Variants in CASZ1 observed in about 807,000 individuals in gnomAD.
The protein encoded by CASZ1 is castor zinc finger 1.
CASZ1 carries 28 observed loss-of-function variants against 135.2 expected under a neutral mutation model. That is an observed-to-expected ratio of 0.21 (90% CI 0.15 to 0.28). CASZ1 has a LOEUF of 0.28. CASZ1 is among the 10% of genes least tolerant of loss of function. The pLI is 1.00. For missense variants in CASZ1, 2,161 were observed against 2,453.3 expected, an observed-to-expected ratio of 0.88 and a Z score of 2.52; for synonymous variants, 1,068 against 1,073.4, an observed-to-expected ratio of 0.99 and a Z score of 0.10.
In CASZ1 at chr1:10,767,466, G is replaced by A. The variant is rs1640497235; in HGVS notation, c.-233-6609C>T. 6.6e-6 allele frequency among the ~76,000 whole-genome samples: 1 copy of A among 152,292 alleles called. No individual in the cohort carries two copies. Among genetic ancestry groups the A allele is most frequent in the East Asian group, 1.9e-4 (1 of 5,178 alleles). ...GGAGGGGACAGGGCGGGGGCGATGGGAGCACAGGCTTCCCCTATTGCAAAG... is the reference window on the plus strand; with the variant it reads ...GGAGGGGACAGGGCGGGGGCGATGGAAGCACAGGCTTCCCCTATTGCAAAG... On this transcript the variant is annotated intron_variant, in intron 1 of 20. Transcript: ENST00000377022. The surrounding 1 kb of genome is among the most constrained non-coding windows in gnomAD (Gnocchi z 4.2).
At chr1:10,754,243 C>G (rs1314263852) in intron 2 of CASZ1, among the ~76,000 whole-genome samples, 2 of 152,354 alleles carry the variant, frequency 1.3e-5, no homozygotes, top group East Asian at 3.9e-4. Flanking sequence ...CTCTTGTTTT[C>G]TCCTTCCCAC....
intron 5 of CASZ1, among the ~76,000 whole-genome samples, chr1:10,663,139 G>A (rs1306034052): frequency 6.6e-6 from 1 of 152,246 alleles, no homozygotes; most frequent in Non-Finnish European, 1.5e-5. Context: ...TGGGGCGGCA[G>A]GACCCCAGGC....
At position 10,654,385 on chromosome 1, in the gene CASZ1, T is replaced by G. The variant is rs1642716702; in HGVS notation, c.1838+34A>C. The G allele has an allele frequency of 1.9e-6, 3 of 1,605,572 alleles. No homozygotes were observed. The African/African-American group carries it at 4.0e-5, about 22-fold the overall frequency. On this transcript the variant is annotated intron_variant, in intron 10 of 20. Coordinates refer to ENST00000377022, the MANE Select transcript of CASZ1 (RefSeq NM_001079843.3). ...GGTCCTTGCCTTCCCTCCCCGCTTC[T>G]GCCCACGAAGGCCCCCACCAGGCTC...
intron 1 of CASZ1, among the ~76,000 whole-genome samples, chr1:10,784,011 G>A (rs929895586): frequency 1.3e-5 from 2 of 151,866 alleles, no homozygotes; most frequent in East Asian, 1.9e-4. Context: ...GAACCCCAGC[G>A]AGGCGGCACT....
chr1:10,703,765 C>T (rs1454271238), intron 3 of CASZ1, among the ~76,000 whole-genome samples: 1 of 152,202 alleles, frequency 6.6e-6, no homozygotes, highest in Non-Finnish European at 1.5e-5. Context: ...AATCATTAAC[C>T]TTTTAGGCTT....
chr1:10,787,859 A>T (rs529971378), intron 1 of CASZ1, among the ~76,000 whole-genome samples: 191 of 152,302 alleles, frequency 1.3e-3, no homozygotes, highest in African/African-American at 4.5e-3. Context: ...CGGCTCAGGC[A>T]CCAGCCTTCA....
chr1:10,745,555 T>C (rs886450315), intron 2 of CASZ1, among the ~76,000 whole-genome samples: 2 of 152,172 alleles, frequency 1.3e-5, no homozygotes, highest in Admixed American at 1.3e-4. Flanking sequence ...GGGCACCTGC[T>C]GGGTTGAACG....
At chr1:10,689,497 G>A (rs1188971937) in intron 4 of CASZ1, among the ~76,000 whole-genome samples, 3 of 152,194 alleles carry the variant, frequency 2.0e-5, no homozygotes, top group Non-Finnish European at 2.9e-5. Context: ...GGAGAGGAGA[G>A]TGAATGGGTT....
Position 10,644,917 on chromosome 1 carries a change from C to G in CASZ1, c.3868G>C (p.Gly1290Arg). The G allele has an allele frequency of 1.2e-6, 2 of 1,612,414 alleles. No homozygotes were observed. Among genetic ancestry groups the G allele is most frequent in the Admixed American group, 1.7e-5 (1 of 59,958 alleles). The change falls in exon 18 of 21, where the codon GGT (glycine) becomes CGT (arginine). Residue 1290 changes from glycine (G) to arginine (R), a missense_variant and splice_region_variant. This residue lies in a region of CASZ1 where 349 missense variants were observed against 460.8 expected (regional missense o/e 0.76). Coordinates refer to ENST00000377022, the MANE Select transcript of CASZ1 (RefSeq NM_001079843.3). ...TGCCCGCAGCCCCAGCCCTCGGTAC[C>G]TAGCCTGCCACACTCCTCGCGCTTG... ...FTKREECGRL[G>R]CKYNQVNSHF...
chr1:10,678,145 G>A (rs1006679676), intron 4 of CASZ1, among the ~76,000 whole-genome samples: 2 of 152,190 alleles, frequency 1.3e-5, no homozygotes, highest in Non-Finnish European at 2.9e-5. Context: ...CAGGAGAGGC[G>A]GCGGCGTGGG....
intron 4 of CASZ1, among the ~76,000 whole-genome samples, chr1:10,675,314 CAG>C (rs1266551732): frequency 3.9e-5 from 6 of 152,178 alleles, no homozygotes; most frequent in Non-Finnish European, 7.3e-5. Context: ...CCAGTGGGGA[CAG>C]AGGACGGGGC....
chr1:10,649,651 C>T, intron 13 of CASZ1: 1 of 553,230 alleles, frequency 1.8e-6, no homozygotes, highest in Non-Finnish European at 3.2e-6. Context: ...GCTGCGAGGC[C>T]TCCTCAGGGC....
rs778564897 is a variant in CASZ1, at chr1:10,659,863, G to A, written c.1179C>T (p.Pro393=). Residue 393 remains proline, a synonymous_variant, in exon 6 of 21, where the codon CCC becomes CCT. Transcript: ENST00000377022. Reference sequence around the variant, plus strand: ...TGGCGAGGGGTGCGGGAGCCAGGCTGGGGGTGGGCGGAACCTTGGCGGGGC... The same window carrying A: ...TGGCGAGGGGTGCGGGAGCCAGGCTAGGGGTGGGCGGAACCTTGGCGGGGC... The part of the protein sequence containing the change: ...KPGPAKVPPT[P]SLAPAPLASV... 3.0e-5 allele frequency: 48 copies of A among 1,611,400 alleles called. No individual in the cohort carries two copies. The highest frequency in any genetic ancestry group is 1.7e-4 in the Middle Eastern group (1 of 5,938).
rs1570575474 is a variant in CASZ1 at position 10,767,503 on chromosome 1, G to A, written c.-233-6646C>T. Among the ~76,000 whole-genome samples, 1 of 152,200 alleles carries A rather than the reference G, an allele frequency of 6.6e-6. No individual in the cohort carries two copies. The highest frequency in any genetic ancestry group is 6.5e-5 in the Admixed American group (1 of 15,282). ...CCCCTATTGCAAAGCCAGGCCCAGG[G>A]AGGCCGGGAAGCAGAGAGCCGGAGG... On this transcript the variant is annotated intron_variant, in intron 1 of 20. Transcript: ENST00000377022. This position sits in a 1 kb window ranked among gnomAD's most constrained non-coding sequence, Gnocchi z 4.2.
In CASZ1 at chr1:10,660,046, G is replaced by A. The variant is rs71645003; in HGVS notation, c.996C>T (p.Thr332=). The A allele has an allele frequency of 6.2e-7, 1 of 1,614,162 alleles. No homozygotes were observed. The highest frequency in any genetic ancestry group is 1.1e-5 in the South Asian group (1 of 91,088). The change falls in exon 6 of 21, where the codon ACC becomes ACT. Residue 332 remains threonine, a synonymous_variant. Transcript: ENST00000377022. ...GGTCGTACTTGGATGGCTTCTTGTA[G>A]GTGCTCCCGTTCTGGGGCCGCAGAT... ...GENLRPQNGS[T]YKKPSKYDLE...
chr1:10,689,937 T>C (rs752970276), intron 4 of CASZ1, among the ~76,000 whole-genome samples: 1 of 152,242 alleles, frequency 6.6e-6, no homozygotes, highest in African/African-American at 2.4e-5. Context: ...ACTTCCGAGA[T>C]GGCCCATTCT....
Position 10,654,032 on chromosome 1 carries a change from G to A in CASZ1, c.2025C>T (p.Cys675=), listed in dbSNP as rs369473375. Residue 675 remains cysteine (C), a synonymous_variant, in exon 11 of 21, where the codon TGC becomes TGT. Coordinates refer to ENST00000377022, the MANE Select transcript of CASZ1 (RefSeq NM_001079843.3). ...TNHFHCIRAG[C]GFTFTSTSQM... ...GGCTGGTGGAGGTGAAGGTGAAGCC[G>A]CAGCCGGCGCGGATGCAGTGGAAGT... is the stretch of plus-strand genomic sequence containing the variant. The A allele has an allele frequency of 1.5e-5, 24 of 1,614,112 alleles. No homozygotes were observed. The highest frequency in any genetic ancestry group is 8.8e-5 in the South Asian group (8 of 91,092).
chr1:10,689,270 C>T (rs935908076), intron 4 of CASZ1, among the ~76,000 whole-genome samples: 4 of 152,370 alleles, frequency 2.6e-5, no homozygotes, highest in South Asian at 2.1e-4. Context: ...GCTCAGGCAG[C>T]GGGCACGGCC....
At chr1:10,750,763 G>T (rs886328591) in intron 2 of CASZ1, among the ~76,000 whole-genome samples, 3 of 152,116 alleles carry the variant, frequency 2.0e-5, no homozygotes, top group Non-Finnish European at 2.9e-5. Flanking sequence ...AGCTAGGCAT[G>T]GTGGCGCGAC....
Sources: allele counts gnomAD v4.1 joint callset (sites outside exome capture counted in the v4.1 genomes callset), GRCh38; gene constraint gnomAD v4.1.1; regional missense constraint gnomAD v4.1.1; non-coding constraint Gnocchi (gnomAD v3.1); transcripts MANE v1.5; gene names NCBI Gene and HGNC (gene_info 2026-07-23, HGNC 2026-07-21).